Variants in PDE4B observed in about 807,000 individuals in gnomAD.
PDE4B encodes the protein phosphodiesterase 4B.
Under a neutral mutation model 82.2 loss-of-function variants are expected in PDE4B, and 20 were observed. That is an observed-to-expected ratio of 0.24 (90% confidence interval 0.17 to 0.35). The LOEUF (loss-of-function observed/expected upper bound fraction) is 0.35, where lower values mean the gene tolerates loss of function less well. Among genes scored for constraint, PDE4B ranks in the 10% least tolerant of loss-of-function variants. The probability of loss-of-function intolerance (pLI) is 1.00; values close to 1 mark genes in which losing one functional copy is unlikely to be tolerated. For synonymous variants in PDE4B, 320 were observed against 318.9 expected (o/e 1.00, Z -0.04); for missense variants, 655 against 907.2 (o/e 0.72, Z 3.57).
intron 3 of PDE4B, among the ~76,000 whole-genome samples, chr1:66,095,263 A>G (rs191165515): frequency 6.6e-6 from 1 of 152,044 alleles, no homozygotes; most frequent in African/African-American, 2.4e-5. Flanking sequence ...TGAGCAAATA[A>G]CTTATTTAAG....
intron 3 of PDE4B, among the ~76,000 whole-genome samples, chr1:66,129,617 G>T (rs1190186716): frequency 2.9e-5 from 4 of 136,610 alleles, no homozygotes; most frequent in Non-Finnish European, 6.0e-5. Context: ...CCGAGATCCC[G>T]CCACTGCACT....
chr1:66,214,408 CA>C (rs770857253), intron 3 of PDE4B, among the ~76,000 whole-genome samples: 9 of 152,140 alleles, frequency 5.9e-5, no homozygotes, highest in South Asian at 2.1e-4. Context: ...AAGGCACACA[CA>C]AGGGAGTTGG....
At chr1:66,352,507 C>T (rs374357145) in intron 8 of PDE4B, among the ~76,000 whole-genome samples, 1 of 152,140 alleles carries the variant, frequency 6.6e-6, no homozygotes. Flanking sequence ...AGAAAATAAA[C>T]AGAGAAATCT....
intron 3 of PDE4B, among the ~76,000 whole-genome samples, chr1:66,013,008 C>T (rs1194708698): frequency 2.0e-5 from 3 of 152,094 alleles, no homozygotes; most frequent in African/African-American, 4.8e-5. Flanking sequence ...CCACAGCTAG[C>T]AAGTGGAAGA....
chr1:65,904,384 A>G (rs1282660995), intron 1 of PDE4B, among the ~76,000 whole-genome samples: 5 of 152,182 alleles, frequency 3.3e-5, no homozygotes, highest in Admixed American at 3.3e-4. Flanking sequence ...TAAAACAGAG[A>G]CAAATTATTA....
At chr1:66,230,888 A>G (rs537424208) in intron 3 of PDE4B, among the ~76,000 whole-genome samples, 1 of 152,128 alleles carries the variant, frequency 6.6e-6, no homozygotes, top group Non-Finnish European at 1.5e-5. Flanking sequence ...TCCACTCAAA[A>G]TACAAAAATT....
chr1:66,373,968 C>G lies in PDE4B; in HGVS notation c.*1290C>G, dbSNP rs1369250231. On this transcript the variant is annotated 3_prime_UTR_variant, in exon 17 of 17. Transcript: ENST00000341517. ...CACATTAGATACTAAATGGTTTATA[C>G]TGAGCTTTTACTTTTGTATAGCTTG... 1.3e-5 allele frequency: 2 copies of G among 152,628 alleles called. No individual in the cohort carries two copies. The highest frequency in any genetic ancestry group is 2.9e-5 in the Non-Finnish European group (2 of 68,042). 9.5% of individuals were successfully genotyped at this position (152,628 alleles called of 1,614,324 possible).
At chr1:65,822,124 A>AT (rs1464288807) in intron 1 of PDE4B, among the ~76,000 whole-genome samples, 1 of 151,898 alleles carries the variant, frequency 6.6e-6, no homozygotes, top group Admixed American at 6.6e-5. Flanking sequence ...ATTTTGTTTG[A>AT]TTTTTATGTA....
chr1:65,909,803 A>C (rs546376629), intron 1 of PDE4B, among the ~76,000 whole-genome samples: 1 of 152,340 alleles, frequency 6.6e-6, no homozygotes, highest in Non-Finnish European at 1.5e-5. Context: ...ATTTGCCTTA[A>C]ATATGAGGCA....
At chr1:65,942,384 A>G (rs1051366650) in intron 3 of PDE4B, among the ~76,000 whole-genome samples, 1 of 151,892 alleles carries the variant, frequency 6.6e-6, no homozygotes, top group Non-Finnish European at 1.5e-5. Flanking sequence ...AAGAATAAAG[A>G]ATATTTCTTT....
intron 1 of PDE4B, among the ~76,000 whole-genome samples, chr1:65,815,261 G>A (rs1357401038): frequency 7.8e-6 from 1 of 127,964 alleles, no homozygotes; most frequent in African/African-American, 3.0e-5. Flanking sequence ...TGCTTTAAGA[G>A]CCAACATAAA....
Position 66,285,540 on chromosome 1 carries a change from CT to C in PDE4B, c.634+19454del, listed in dbSNP as rs554648362. Among the ~76,000 whole-genome samples, 143 of 152,122 alleles carry C rather than the reference CT, an allele frequency of 9.4e-4. 1 individual carries two copies. The highest frequency in any genetic ancestry group is 3.4e-3 in the Middle Eastern group (1 of 294). On this transcript the variant is annotated intron_variant, in intron 7 of 16. Transcript: ENST00000341517. Reference sequence around the variant, plus strand: ...AGTCTCCAACAGCCATTATTTCACTCTATATGTCCATGTGTCCACTGTTTAA... The same window carrying C: ...AGTCTCCAACAGCCATTATTTCACTCATATGTCCATGTGTCCACTGTTTAA...
chr1:66,038,664 A>T (rs17454251), intron 3 of PDE4B, among the ~76,000 whole-genome samples: 4,943 of 152,230 alleles, frequency 0.032, 124 homozygotes, highest in Non-Finnish European at 0.049. Context: ...TAAGACAGGA[A>T]AAGATACTTG....
At chr1:66,337,345 G>A (rs1042201421) in intron 8 of PDE4B, among the ~76,000 whole-genome samples, 1 of 152,198 alleles carries the variant, frequency 6.6e-6, no homozygotes, top group Non-Finnish European at 1.5e-5. Context: ...ACTACATTTT[G>A]CATCTGCTGG....
At chr1:66,040,456 C>T (rs908824000) in intron 3 of PDE4B, among the ~76,000 whole-genome samples, 1 of 151,966 alleles carries the variant, frequency 6.6e-6, no homozygotes, top group African/African-American at 2.4e-5. Flanking sequence ...TGTTACAATT[C>T]TTTGCTCCAT....
chr1:65,931,849 T>G (rs1647851737), intron 3 of PDE4B, among the ~76,000 whole-genome samples: 1 of 152,186 alleles, frequency 6.6e-6, no homozygotes. Context: ...TCTTCCAACT[T>G]CTTCCTCCCC....
chr1:65,812,084 TGTG>T (rs1645827643), intron 1 of PDE4B, among the ~76,000 whole-genome samples: 2 of 152,220 alleles, frequency 1.3e-5, no homozygotes, highest in Middle Eastern at 3.4e-3. Context: ...TTTTAACCCT[TGTG>T]GTGGCTCAAG....
intron 3 of PDE4B, among the ~76,000 whole-genome samples, chr1:65,955,803 G>A (rs1015081370): frequency 3.3e-5 from 5 of 152,054 alleles, no homozygotes; most frequent in African/African-American, 1.2e-4. Flanking sequence ...CTGTTCTCAC[G>A]CTGGCCTCTG....
chr1:66,019,254 T>G (rs1652952060), intron 3 of PDE4B, among the ~76,000 whole-genome samples: 1 of 152,246 alleles, frequency 6.6e-6, no homozygotes, highest in East Asian at 1.9e-4. Flanking sequence ...AAAGCAATTT[T>G]TAGAACAAGT....
Sources: allele counts gnomAD v4.1 joint callset (sites outside exome capture counted in the v4.1 genomes callset), GRCh38; gene constraint gnomAD v4.1.1; transcripts MANE v1.5; gene names NCBI Gene and HGNC (gene_info 2026-07-23, HGNC 2026-07-21).